Variants in ZNF678 observed in about 807,000 individuals in gnomAD.
ZNF678 encodes the protein hypothetical protein MGC42493.
ZNF678 carries 5 observed loss-of-function variants against 3.0 expected under a neutral mutation model. The observed-to-expected ratio is 1.69, with a 90% confidence interval of 0.88 to 3.56. The LOEUF is 3.56. Among genes scored for constraint, ZNF678 ranks in the 30% most tolerant of loss-of-function variants. ZNF678 has a pLI of 0.00. For missense variants in ZNF678, 593 were observed against 605.0 expected, an observed-to-expected ratio of 0.98 and a Z score of 0.21; for synonymous variants, 218 against 199.6, an observed-to-expected ratio of 1.09 and a Z score of -0.78.
At position 227,563,723 on chromosome 1, in the gene ZNF678, C is replaced by T. The variant is rs1388767699; in HGVS notation, c.-165C>T. On this transcript the variant is annotated splice_region_variant and 5_prime_UTR_variant, in exon 1 of 4. In the 5' UTR this introduces an upstream ATG that the reference lacks. Transcript: ENST00000343776. ...CCAGGACACCCCGAAAGCCGGAAAACGGTGAGAGTTCCCGGGAGGGTGTTC... is the reference window on the plus strand; with the variant it reads ...CCAGGACACCCCGAAAGCCGGAAAATGGTGAGAGTTCCCGGGAGGGTGTTC... 7.5e-7 allele frequency: 1 copy of T among 1,327,314 alleles called. No individual in the cohort carries two copies. The highest frequency in any genetic ancestry group is 1.0e-6 in the Non-Finnish European group (1 of 1,000,298). The allele number at this position is 1,327,314 out of a possible 1,614,324, so 82.2% of individuals were successfully genotyped here.
intron 1 of ZNF678, among the ~76,000 whole-genome samples, chr1:227,585,780 A>G (rs562215615): frequency 6.6e-6 from 1 of 151,888 alleles, no homozygotes; most frequent in Non-Finnish European, 1.5e-5. Context: ...AGTCCCCCCA[A>G]AAAAAAACAA....
chr1:227,604,045 A>G (rs1657804072), intron 1 of ZNF678, among the ~76,000 whole-genome samples: 1 of 152,232 alleles, frequency 6.6e-6, no homozygotes, highest in African/African-American at 2.4e-5. Flanking sequence ...GGATTCCAAT[A>G]TAAAATGTAC....
intron 1 of ZNF678, among the ~76,000 whole-genome samples, chr1:227,634,093 C>A (rs1256896536): frequency 6.6e-6 from 1 of 152,176 alleles, no homozygotes; most frequent in Non-Finnish European, 1.5e-5. Context: ...CAAACCCTAG[C>A]TCTGTCATGA....
intron 1 of ZNF678, among the ~76,000 whole-genome samples, chr1:227,601,827 T>C (rs1364028113): frequency 6.6e-6 from 1 of 152,176 alleles, no homozygotes; most frequent in African/African-American, 2.4e-5. Flanking sequence ...CCTCCCAAAG[T>C]GCTGGGATTA....
chr1:227,674,559 GA>G (rs147444879), intron 5 of ZNF678, among the ~76,000 whole-genome samples: 33,083 of 147,750 alleles, frequency 0.22, 3,830 homozygotes, highest in African/African-American at 0.27. Flanking sequence ...AGTTTATTTG[GA>G]AAAAAAATCA....
chr1:227,582,521 T>C (rs1449478559), intron 1 of ZNF678: 1 of 136,214 alleles, frequency 7.3e-6, no homozygotes, highest in Non-Finnish European at 1.4e-5. Flanking sequence ...TAGAGACGCA[T>C]TCTCACTATG....
At chr1:227,615,326 TC>T (rs1165505271) in intron 1 of ZNF678, among the ~76,000 whole-genome samples, 1 of 152,200 alleles carries the variant, frequency 6.6e-6, no homozygotes, top group African/African-American at 2.4e-5. Context: ...TTAGGCCACC[TC>T]CTTCACTGTT....
chr1:227,679,106 A>G (rs1659727231), downstream of ZNF678, among the ~76,000 whole-genome samples: 1 of 152,210 alleles, frequency 6.6e-6, no homozygotes, highest in African/African-American at 2.4e-5. Flanking sequence ...AAAAAAGTAA[A>G]TGACTTCTAG....
chr1:227,664,297 T>C (rs962012903), downstream of ZNF678, among the ~76,000 whole-genome samples: 1 of 152,214 alleles, frequency 6.6e-6, no homozygotes, highest in Non-Finnish European at 1.5e-5. Context: ...AAAATTGTTT[T>C]TCAACACTCA....
In ZNF678 at chr1:227,654,718, C is replaced by T. The variant is rs771092722; in HGVS notation, c.468C>T (p.Asp156=). Residue 156 remains aspartate, a synonymous_variant, in exon 4 of 4, where the codon GAC becomes GAT. Coordinates refer to ENST00000343776, the MANE Select transcript of ZNF678 (RefSeq NM_001367909.1). Reference sequence around the variant, plus strand: ...CTGGAGAGAAACCCTACAAATGTGACGAATGTGGCAAAGTTTTTAATTGGT... The same window carrying T: ...CTGGAGAGAAACCCTACAAATGTGATGAATGTGGCAAAGTTTTTAATTGGT... ...IHTGEKPYKC[D]ECGKVFNWWS... The T allele has an allele frequency of 9.5e-6, 15 of 1,585,744 alleles. 1 individual carries two copies. The Middle Eastern group carries it at 8.5e-4, about 89-fold the overall frequency.
rs553609651 is a variant in ZNF678, at chr1:227,671,569, G to T, written c.227-5610G>T. ...TTCATTCTCCATCCAACACTTGCAG[G>T]GTGATGTTCCCTGAACTTCCAGCCA... On this transcript the variant is annotated intron_variant, in intron 5 of 5. Coordinates refer to the ZNF678 transcript ENST00000608949. Among the ~76,000 whole-genome samples, 5 of 152,182 alleles carry T rather than the reference G, an allele frequency of 3.3e-5. No homozygotes were observed. In the South Asian group the frequency reaches 1.0e-3, roughly 32 times the overall value.
downstream of ZNF678, among the ~76,000 whole-genome samples, chr1:227,678,220 G>A (rs1659715511): frequency 1.3e-5 from 2 of 152,190 alleles, no homozygotes; most frequent in Admixed American, 1.3e-4. Flanking sequence ...TTTGGTACAA[G>A]CCCTCAACAA....
intron 1 of ZNF678, among the ~76,000 whole-genome samples, chr1:227,644,056 G>A (rs984714350): frequency 6.6e-6 from 1 of 151,364 alleles, no homozygotes; most frequent in Admixed American, 6.6e-5. Flanking sequence ...GTAGAGGCGG[G>A]GTTTCGCCAT....
chr1:227,641,451 A>G (rs984915103), intron 1 of ZNF678, among the ~76,000 whole-genome samples: 2 of 152,136 alleles, frequency 1.3e-5, no homozygotes, highest in Non-Finnish European at 2.9e-5. Context: ...ATGACGTGAT[A>G]TATGTCACAT....
chr1:227,663,785 C>G (rs1659455876), downstream of ZNF678, among the ~76,000 whole-genome samples: 1 of 152,148 alleles, frequency 6.6e-6, no homozygotes, highest in Admixed American at 6.5e-5. Context: ...GTGAGTTACC[C>G]TAGTGGAAAA....
At chr1:227,624,336 A>G (rs1325708419) in intron 1 of ZNF678, among the ~76,000 whole-genome samples, 1 of 152,192 alleles carries the variant, frequency 6.6e-6, no homozygotes, top group Non-Finnish European at 1.5e-5. Flanking sequence ...TTTAACAACT[A>G]TCTACATAAA....
At chr1:227,572,968 C>T (rs73090995) in intron 1 of ZNF678, among the ~76,000 whole-genome samples, 1,643 of 152,338 alleles carry the variant, frequency 0.011, 33 homozygotes, top group African/African-American at 0.038. Context: ...GCTTGATCTC[C>T]GGCTAGCATT....
intron 5 of ZNF678, among the ~76,000 whole-genome samples, chr1:227,668,812 T>C (rs1451481739): frequency 1.3e-5 from 2 of 152,216 alleles, no homozygotes; most frequent in African/African-American, 2.4e-5. Context: ...ATTTATTGAA[T>C]AGGAAGTCGT....
intron 5 of ZNF678, among the ~76,000 whole-genome samples, chr1:227,676,093 T>C (rs1015862403): frequency 6.6e-6 from 1 of 152,192 alleles, no homozygotes; most frequent in African/African-American, 2.4e-5. Context: ...TTTAACAATT[T>C]TGGAGTAATT....
Sources: allele counts gnomAD v4.1 joint callset (sites outside exome capture counted in the v4.1 genomes callset), GRCh38; gene constraint gnomAD v4.1.1; transcripts MANE v1.5; gene names NCBI Gene and HGNC (gene_info 2026-07-23, HGNC 2026-07-21).